RLIG1: variants seen among roughly 807,000 people sequenced by gnomAD.
RLIG1 encodes the protein RNA ligase 1.
chr12:88,046,660 A>T, the RLIG1 span: 5 of 684,674 alleles, frequency 7.3e-6, no homozygotes, highest in Non-Finnish European at 1.2e-5. Context: ...GTGCCAGTGC[A>T]CTGGGTTATA....
chr12:88,045,422 T>C, the RLIG1 span: 1 of 612,770 alleles, frequency 1.6e-6, no homozygotes, highest in East Asian at 2.8e-5. Flanking sequence ...TTTTAAAAAG[T>C]AATAAACTGT....
chr12:88,045,887 T>G, the RLIG1 span: 8 of 807,946 alleles, frequency 9.9e-6, no homozygotes, highest in South Asian at 1.5e-4. Context: ...ACTAACAAAT[T>G]TGAGTTAGTT....
At chr12:88,036,218 A>G in the RLIG1 span, 5 of 468,158 alleles carry the variant, frequency 1.1e-5, no homozygotes, top group East Asian at 2.2e-4. Flanking sequence ...CACACCTCAT[A>G]TTACCAGTAA....
At chr12:88,049,652 T>C in the RLIG1 span, 1 of 348,932 alleles carries the variant, frequency 2.9e-6, no homozygotes, top group Non-Finnish European at 5.1e-6. Flanking sequence ...TTGACTAAAA[T>C]TTATCATCTC....
At chr12:88,038,452 G>A in the RLIG1 span, among the ~76,000 whole-genome samples, 1 of 152,170 alleles carries the variant, frequency 6.6e-6, no homozygotes, top group Non-Finnish European at 1.5e-5. Context: ...GGGGATGTCA[G>A]GTAACTGTGA....
At chr12:88,045,758 A>G in the RLIG1 span, 1 of 1,612,932 alleles carries the variant, frequency 6.2e-7, no homozygotes. Flanking sequence ...CATAGGAACA[A>G]ATATCAATGG....
At chr12:88,048,563 G>A in the RLIG1 span, 3 of 559,496 alleles carry the variant, frequency 5.4e-6, no homozygotes, top group Non-Finnish European at 8.3e-6. Flanking sequence ...CCAGTTTCAA[G>A]TACCTATTCA....
chr12:88,049,141 A>G, the RLIG1 span: 25 of 1,187,244 alleles, frequency 2.1e-5, no homozygotes, highest in South Asian at 3.3e-4. Flanking sequence ...TTAACTTATA[A>G]AGTTAATAAA....
chr12:88,046,720 T>G, the RLIG1 span: 1 of 1,270,450 alleles, frequency 7.9e-7, no homozygotes, highest in Non-Finnish European at 1.1e-6. Context: ...CCTAAGTGTT[T>G]CAAAAGACTT....
chr12:88,048,372 A>C, the RLIG1 span: 1 of 1,584,698 alleles, frequency 6.3e-7, no homozygotes, highest in South Asian at 1.2e-5. Context: ...TTTTTTAAAA[A>C]TAGATAATCA....
At chr12:88,036,025 T>C in the RLIG1 span, 7 of 1,468,984 alleles carry the variant, frequency 4.8e-6, no homozygotes, top group Non-Finnish European at 6.3e-6. Flanking sequence ...ATCCACAGCA[T>C]GTCCCTTCCT....
chr12:88,048,338 T>C, the RLIG1 span: 3 of 1,604,930 alleles, frequency 1.9e-6, no homozygotes, highest in Admixed American at 5.1e-5. Context: ...ACTCTGCCTT[T>C]GATATTAAGT....
the RLIG1 span, chr12:88,045,811 G>A: frequency 6.5e-7 from 1 of 1,529,096 alleles, no homozygotes; most frequent in Non-Finnish European, 9.0e-7. Context: ...TTCAGTTATT[G>A]TAACTGACAT....
chr12:88,040,316 C>G, the RLIG1 span: 1 of 1,082,582 alleles, frequency 9.2e-7, no homozygotes, highest in South Asian at 1.5e-5. Context: ...TTTTCTTAAT[C>G]ACTTTACAGT....
chr12:88,043,632 C>T, the RLIG1 span: 1 of 1,612,094 alleles, frequency 6.2e-7, no homozygotes, highest in Non-Finnish European at 8.5e-7. Flanking sequence ...GACTTCAAAC[C>T]AGCTCCGGAG....
the RLIG1 span, chr12:88,042,584 T>C: frequency 9.9e-6 from 3 of 304,498 alleles, no homozygotes; most frequent in Non-Finnish European, 1.8e-5. Flanking sequence ...GACTATGCAG[T>C]GTCCTTATAA....
At chr12:88,045,772 C>A in the RLIG1 span, 1 of 1,611,394 alleles carries the variant, frequency 6.2e-7, no homozygotes, top group Non-Finnish European at 8.5e-7. Context: ...TCAATGGAAA[C>A]CCATATGGTG....
the RLIG1 span, chr12:88,049,209 C>CT: frequency 6.3e-7 from 1 of 1,598,340 alleles, no homozygotes; most frequent in Non-Finnish European, 8.5e-7. Context: ...ATTAACAGGA[C>CT]TTTCTTCTTC....
At chr12:88,039,067 G>A in the RLIG1 span, among the ~76,000 whole-genome samples, 4 of 152,094 alleles carry the variant, frequency 2.6e-5, no homozygotes, top group Non-Finnish European at 5.9e-5. Context: ...ATGCCAAAAC[G>A]TTCTTTGTGA....
Sources: allele counts gnomAD v4.1 joint callset (sites outside exome capture counted in the v4.1 genomes callset), GRCh38; gene constraint gnomAD v4.1.1; transcripts MANE v1.5; gene names NCBI Gene and HGNC (gene_info 2026-07-23, HGNC 2026-07-21).